The following JARID2 variants were observed in gnomAD, a reference collection of about 807,000 sequenced individuals.
JARID2 encodes the protein protein Jumonji.
A neutral mutation model predicts 125.6 loss-of-function variants in JARID2; 21 were observed. The ratio of observed to expected loss-of-function variants is 0.17; its 90% CI spans 0.12 to 0.24. The LOEUF is 0.24. Among genes scored for constraint, JARID2 ranks in the 10% least tolerant of loss-of-function variants. The probability of loss-of-function intolerance (pLI) is 1.00; values close to 1 mark genes in which losing one functional copy is unlikely to be tolerated. For synonymous variants in JARID2, 736 were observed against 661.6 expected (o/e 1.11, Z -1.73); for missense variants, 1,303 against 1,639.6 (o/e 0.79, Z 3.55).
At chr6:15,353,136 G>T (rs1763486732) in intron 1 of JARID2, among the ~76,000 whole-genome samples, 1 of 152,160 alleles carries the variant, frequency 6.6e-6, no homozygotes, top group African/African-American at 2.4e-5. Context: ...GTATTTTTCA[G>T]AGCCACCGTA....
At chr6:15,329,852 C>G (rs1226605243) in intron 1 of JARID2, among the ~76,000 whole-genome samples, 1 of 152,128 alleles carries the variant, frequency 6.6e-6, no homozygotes, top group African/African-American at 2.4e-5. Flanking sequence ...AGAATCTGGG[C>G]AGTGACTTTT....
intron 1 of JARID2, among the ~76,000 whole-genome samples, chr6:15,312,983 T>A (rs1173884208): frequency 1.3e-5 from 2 of 152,210 alleles, no homozygotes; most frequent in Non-Finnish European, 2.9e-5. Flanking sequence ...GCGTTCAGCA[T>A]CTTTCCCGCA....
rs140052347 is a variant in JARID2 at position 15,428,835 on chromosome 6, G to A, written c.323+18470G>A. ...GCAGGAGAATCGCTGGAACCCGGGA[G>A]GTAGAGGCCGCAGTGAGTTGAGATA... On this transcript the variant is annotated intron_variant, in intron 3 of 17. Coordinates refer to ENST00000341776, the MANE Select transcript of JARID2 (RefSeq NM_004973.4). Among the ~76,000 whole-genome samples, 128 of 151,642 alleles carry A rather than the reference G, an allele frequency of 8.4e-4. 6 individuals are homozygous for A. In the East Asian group the frequency reaches 0.015, roughly 18 times the overall value.
chr6:15,504,875 C>T (rs1328125673), intron 9 of JARID2, among the ~76,000 whole-genome samples: 1 of 152,176 alleles, frequency 6.6e-6, no homozygotes, highest in Non-Finnish European at 1.5e-5. Context: ...TCACTGTCTC[C>T]TCCTGCTTGC....
At chr6:15,479,493 T>C (rs968004163) in intron 5 of JARID2, among the ~76,000 whole-genome samples, 1 of 152,210 alleles carries the variant, frequency 6.6e-6, no homozygotes, top group African/African-American at 2.4e-5. Context: ...GGCAACCAAG[T>C]GGTAATTGGT....
At chr6:15,447,239 T>C (rs1767713205) in intron 3 of JARID2, among the ~76,000 whole-genome samples, 1 of 152,244 alleles carries the variant, frequency 6.6e-6, no homozygotes, top group Admixed American at 6.5e-5. Flanking sequence ...CTTCCTCTGC[T>C]GGTTTACATT....
At chr6:15,415,520 G>A (rs1475836591) in intron 3 of JARID2, among the ~76,000 whole-genome samples, 6 of 128,308 alleles carry the variant, frequency 4.7e-5, no homozygotes, top group Non-Finnish European at 9.9e-5. Flanking sequence ...AGGGGCTGCC[G>A]GGCAGAGGCG....
intron 1 of JARID2, among the ~76,000 whole-genome samples, chr6:15,329,851 G>A (rs1355536217): frequency 6.6e-6 from 1 of 152,110 alleles, no homozygotes; most frequent in Non-Finnish European, 1.5e-5. Flanking sequence ...TAGAATCTGG[G>A]CAGTGACTTT....
At chr6:15,362,757 G>T (rs1460458641) in intron 1 of JARID2, among the ~76,000 whole-genome samples, 1 of 152,192 alleles carries the variant, frequency 6.6e-6, no homozygotes, top group African/African-American at 2.4e-5. Flanking sequence ...AGAACGTGGG[G>T]TAGATGGTTG....
At chr6:15,388,517 G>T (rs1764874247) in intron 2 of JARID2, among the ~76,000 whole-genome samples, 1 of 151,384 alleles carries the variant, frequency 6.6e-6, no homozygotes, top group South Asian at 2.1e-4. Flanking sequence ...GATAAAAACA[G>T]TACAAGTCTA....
At chr6:15,450,707 G>C (rs745920739) in intron 3 of JARID2, among the ~76,000 whole-genome samples, 1 of 152,222 alleles carries the variant, frequency 6.6e-6, no homozygotes, top group Non-Finnish European at 1.5e-5. Flanking sequence ...TCACTATTGC[G>C]TGAGTGGAGA....
intron 2 of JARID2, among the ~76,000 whole-genome samples, chr6:15,377,568 C>T (rs538484636): frequency 2.0e-5 from 3 of 152,204 alleles, no homozygotes; most frequent in South Asian, 4.1e-4. Context: ...CGGGTTCAAG[C>T]GATTATCCTG....
intron 4 of JARID2, among the ~76,000 whole-genome samples, chr6:15,462,093 A>G (rs554712746): frequency 6.6e-6 from 1 of 152,272 alleles, no homozygotes; most frequent in South Asian, 2.1e-4. Flanking sequence ...TTTAATTTTA[A>G]CCATTACCTT....
chr6:15,478,833 C>T (rs1769475327), intron 5 of JARID2, among the ~76,000 whole-genome samples: 1 of 152,048 alleles, frequency 6.6e-6, no homozygotes, highest in South Asian at 2.1e-4. Context: ...CCATGCCCGG[C>T]TAATTTTTCT....
intron 1 of JARID2, among the ~76,000 whole-genome samples, chr6:15,310,335 A>T (rs897337324): frequency 2.0e-5 from 3 of 152,224 alleles, no homozygotes; most frequent in Non-Finnish European, 4.4e-5. Context: ...TAAGAAAATC[A>T]ATATTCTTTA....
intron 1 of JARID2, among the ~76,000 whole-genome samples, chr6:15,331,576 C>T (rs764827699): frequency 4.0e-5 from 6 of 151,778 alleles, no homozygotes; most frequent in Non-Finnish European, 7.4e-5. Context: ...ATTAATAGTA[C>T]GGTGGGGGGC....
chr6:15,419,319 GAAAGT>G (rs1401865715), intron 3 of JARID2, among the ~76,000 whole-genome samples: 1 of 152,164 alleles, frequency 6.6e-6, no homozygotes, highest in Non-Finnish European at 1.5e-5. Context: ...CTCTACTACA[GAAAGT>G]AAAGAAAAAT....
chr6:15,504,357 C>G (rs1211684798), intron 8 of JARID2, 143 bp from the exon 9 acceptor site: 5 of 629,992 alleles, frequency 7.9e-6, no homozygotes, highest in African/African-American at 3.6e-5. Flanking sequence ...TCTTCCTTCT[C>G]TGCCTGTCAT....
intron 1 of JARID2, among the ~76,000 whole-genome samples, chr6:15,293,410 A>G (rs1761297420): frequency 6.6e-6 from 1 of 152,216 alleles, no homozygotes; most frequent in Non-Finnish European, 1.5e-5. Context: ...GCAAGATTCC[A>G]TCTCAACAAA....
Sources: gnomAD v4.1 joint callset for allele counts (sites outside exome capture counted in the v4.1 genomes callset) on GRCh38, gnomAD v4.1.1 for gene constraint, MANE v1.5 for transcripts, NCBI Gene and HGNC (gene_info 2026-07-23, HGNC 2026-07-21) for gene names.